EXTL2: variants seen among roughly 807,000 people sequenced by gnomAD.
EXTL2 encodes the protein exostosin-like 2.
A neutral mutation model predicts 30.7 loss-of-function variants in EXTL2; 23 were observed. That is an observed-to-expected ratio of 0.75 (90% CI 0.54 to 1.06). EXTL2 has a LOEUF of 1.06. Among genes scored for constraint, EXTL2 ranks in the 50% least tolerant of loss-of-function variants. EXTL2 has a pLI of 0.00. For synonymous variants in EXTL2, 123 were observed against 133.8 expected, an observed-to-expected ratio of 0.92 and a Z score of 0.56; for missense variants, 352 against 396.3, an observed-to-expected ratio of 0.89 and a Z score of 0.95.
rs1016757504 is a variant in EXTL2 at position 100,873,667 on chromosome 1, T to C, written c.*275A>G. 2 of 261,912 alleles carry C rather than the reference T, an allele frequency of 7.6e-6. No homozygotes were observed. Among genetic ancestry groups the C allele is most frequent in the Non-Finnish European group, 1.4e-5 (2 of 138,964 alleles). 16.2% of individuals were successfully genotyped at this position (261,912 alleles called of 1,614,324 possible). On this transcript the variant is annotated 3_prime_UTR_variant, in exon 5 of 5. Coordinates refer to ENST00000370114, the MANE Select transcript of EXTL2 (RefSeq NM_001033025.3). ...CAAATGCCAGGAGTCAAAGAAACTG[T>C]AGAACAGTCTCAGGATGTAAACAAT...
chr1:100,891,707 T>C (rs1650435774), intron 1 of EXTL2, among the ~76,000 whole-genome samples: 1 of 152,256 alleles, frequency 6.6e-6, no homozygotes, highest in Non-Finnish European at 1.5e-5. Flanking sequence ...ATAGTGATGT[T>C]ATCTTCAAGA....
intron 2 of EXTL2, among the ~76,000 whole-genome samples, chr1:100,887,407 C>A (rs1650049894): frequency 6.6e-6 from 1 of 152,136 alleles, no homozygotes; most frequent in African/African-American, 2.4e-5. Flanking sequence ...TACCACGTGC[C>A]CAGCACTAAG....
In EXTL2 at chr1:100,873,800, C is replaced by G. The variant is rs181186368; in HGVS notation, c.*142G>C. 1 of 813,634 alleles carries G rather than the reference C, an allele frequency of 1.2e-6. No homozygotes were observed. Among genetic ancestry groups the G allele is most frequent in the East Asian group, 2.8e-5 (1 of 35,784 alleles). 50.4% of individuals were successfully genotyped at this position (813,634 alleles called of 1,614,324 possible). ...TTCAAAAGTAATGTGAATTTTATAT[C>G]CTAGAAGCACTGCACTTTTTTTTCT... On this transcript the variant is annotated 3_prime_UTR_variant, in exon 5 of 5. Transcript: ENST00000370114.
At chr1:100,887,548 T>G (rs1044783671) in intron 2 of EXTL2, among the ~76,000 whole-genome samples, 2 of 152,292 alleles carry the variant, frequency 1.3e-5, no homozygotes, top group Admixed American at 1.3e-4. Flanking sequence ...GTTTCAAATC[T>G]TTAGAAAGAA....
chr1:100,889,723 A>C (rs1167043096), intron 1 of EXTL2, among the ~76,000 whole-genome samples: 1 of 152,226 alleles, frequency 6.6e-6, no homozygotes, highest in Non-Finnish European at 1.5e-5. Flanking sequence ...GCGGTCATTA[A>C]ATCTTAAGGT....
Position 100,888,814 on chromosome 1 carries a change from C to A in EXTL2, c.-57G>T. ...TTATAGCTTCAGTAATTGACAGAAG[C>A]AGGCTCACTTGTCACTATTAAGATA... is the stretch of plus-strand genomic sequence containing the variant. On this transcript the variant is annotated 5_prime_UTR_variant, in exon 2 of 5. Transcript: ENST00000370114. The A allele has an allele frequency of 7.1e-7, 1 of 1,404,562 alleles. No individual in the cohort carries two copies. The allele number at this position is 1,404,562 out of a possible 1,614,324, so 87.0% of individuals were successfully genotyped here. A position where few individuals can be genotyped will look rare whatever the true frequency, so the allele number is the denominator to read the frequency against.
At chr1:100,881,791 C>T (rs1649577445) in intron 2 of EXTL2, among the ~76,000 whole-genome samples, 5 of 152,180 alleles carry the variant, frequency 3.3e-5, no homozygotes, top group Admixed American at 3.3e-4. Flanking sequence ...GAGAACACAT[C>T]CTTTTAGTTA....
chr1:100,876,683 TA>T, intron 4 of EXTL2, 110 bp downstream of exon 4: 7 of 670,262 alleles, frequency 1.0e-5, no homozygotes, highest in Non-Finnish European at 1.8e-5. Context: ...ATCTTTTAGA[TA>T]AATATTATCT....
intron 2 of EXTL2, chr1:100,885,901 T>G (rs923072909): frequency 6.6e-6 from 1 of 152,230 alleles, no homozygotes; most frequent in African/African-American, 2.4e-5. Context: ...TCCTGTTACT[T>G]TTTTCACAAA....
intron 2 of EXTL2, among the ~76,000 whole-genome samples, chr1:100,878,751 G>A (rs1255158413): frequency 6.6e-6 from 1 of 151,968 alleles, no homozygotes; most frequent in Non-Finnish European, 1.5e-5. Flanking sequence ...TGCTTACAGA[G>A]ATTACATGCC....
intron 2 of EXTL2, among the ~76,000 whole-genome samples, chr1:100,885,170 T>C (rs1203416103): frequency 6.6e-6 from 1 of 152,218 alleles, no homozygotes; most frequent in African/African-American, 2.4e-5. Flanking sequence ...CTACATGCAG[T>C]TCTGTGGCCA....
chr1:100,877,856 A>G lies in EXTL2; in HGVS notation c.53T>C (p.Val18Ala). 6.3e-7 allele frequency: 1 copy of G among 1,599,970 alleles called. No individual in the cohort carries two copies. Among genetic ancestry groups the G allele is most frequent in the South Asian group, 1.1e-5 (1 of 91,038 alleles). Residue 18 changes from valine (V) to alanine (A), a missense_variant, in exon 3 of 5, where the codon GTG becomes GCG. Transcript: ENST00000370114. The surrounding 1 kb of genome is among the most constrained non-coding windows in gnomAD (Gnocchi z 4.1). ...KLPGRVMGIR[V>A]LRLSLVVILV... ...GATGACCACCAAAGATAATCGAAGCACTCGAATCCCCATTACTCTCCCAGG... is the reference window on the plus strand; with the variant it reads ...GATGACCACCAAAGATAATCGAAGCGCTCGAATCCCCATTACTCTCCCAGG...
chr1:100,879,267 C>G (rs975079645), intron 2 of EXTL2, among the ~76,000 whole-genome samples: 2 of 152,108 alleles, frequency 1.3e-5, no homozygotes, highest in African/African-American at 4.8e-5. Context: ...GCTACTTACT[C>G]TTCCACAGGC....
intron 4 of EXTL2, 52 bp from the exon 5 acceptor site, chr1:100,874,482 A>G (rs780790060): frequency 1.6e-5 from 23 of 1,401,024 alleles, no homozygotes; most frequent in African/African-American, 2.9e-5. Flanking sequence ...TAGAGAAGAC[A>G]TAGTGAAAAA....
chr1:100,884,052 C>T (rs1649771818), intron 2 of EXTL2, among the ~76,000 whole-genome samples: 1 of 152,164 alleles, frequency 6.6e-6, no homozygotes, highest in Admixed American at 6.5e-5. Flanking sequence ...TTCCTCAAGG[C>T]TAGTTCCTTC....
In EXTL2 at chr1:100,873,163, A is replaced by C. The variant is rs1648831462; in HGVS notation, c.*779T>G. On this transcript the variant is annotated 3_prime_UTR_variant, in exon 5 of 5. Coordinates refer to ENST00000370114, the MANE Select transcript of EXTL2 (RefSeq NM_001033025.3). ...AATATAAGAATTAATGTACATTCTC[A>C]AGGTCAGATTCAGTGACAAAATGCA... 1 of 152,066 alleles carries C rather than the reference A, an allele frequency of 6.6e-6. No individual in the cohort carries two copies. The highest frequency in any genetic ancestry group is 2.4e-5 in the African/African-American group (1 of 41,440). 9.4% of individuals were successfully genotyped at this position (152,066 alleles called of 1,614,324 possible). A position where few individuals can be genotyped will look rare whatever the true frequency, so the allele number is the denominator to read the frequency against.
chr1:100,888,625 G>A (rs765567479), intron 2 of EXTL2, 128 bp downstream of exon 2: 16 of 430,390 alleles, frequency 3.7e-5, no homozygotes, highest in South Asian at 8.2e-5. Flanking sequence ...TCCAGAGATC[G>A]GCCGCACAAC....
intron 1 of EXTL2, among the ~76,000 whole-genome samples, chr1:100,889,474 C>T (rs2100969186): frequency 6.6e-6 from 1 of 152,322 alleles, no homozygotes; most frequent in Admixed American, 6.5e-5. Context: ...ATCATGCCTT[C>T]CCAACAGTCC....
intron 1 of EXTL2, among the ~76,000 whole-genome samples, chr1:100,890,422 T>G (rs1442982837): frequency 1.3e-5 from 2 of 152,224 alleles, no homozygotes; most frequent in Non-Finnish European, 2.9e-5. Flanking sequence ...CCCCTTTGTC[T>G]TGGTGATTAA....
Sources: allele counts gnomAD v4.1 joint callset (sites outside exome capture counted in the v4.1 genomes callset), GRCh38; gene constraint gnomAD v4.1.1; non-coding constraint Gnocchi (gnomAD v3.1); transcripts MANE v1.5; gene names NCBI Gene and HGNC (gene_info 2026-07-23, HGNC 2026-07-21).